The following AAGAB variants were observed in gnomAD, a reference collection of about 807,000 sequenced individuals.
AAGAB encodes the protein alpha- and gamma-adaptin-binding protein p34.
AAGAB carries 38 observed loss-of-function variants against 44.1 expected under a neutral mutation model. That is an observed-to-expected ratio of 0.86 (90% CI 0.67 to 1.13). The LOEUF (loss-of-function observed/expected upper bound fraction) is 1.13. Ranked by LOEUF, AAGAB falls within the 50% of genes most tolerant of loss-of-function variation. The pLI, the probability that AAGAB is intolerant of heterozygous loss-of-function variation, is 0.00. For synonymous variants in AAGAB, 131 were observed against 131.8 expected (o/e 0.99, Z 0.04); for missense variants, 450 against 373.8 (o/e 1.20, Z -1.68).
At chr15:67,208,749 G>T in intron 6 of AAGAB, 91 bp from the exon 7 acceptor site, 2 of 1,143,258 alleles carry the variant, frequency 1.7e-6, no homozygotes, top group Non-Finnish European at 2.5e-6. Context: ...TCCTTGGTTG[G>T]CTTGAGAAAA....
chr15:67,249,741 A>G (rs936660214), intron 1 of AAGAB, among the ~76,000 whole-genome samples: 1 of 152,214 alleles, frequency 6.6e-6, no homozygotes, highest in African/African-American at 2.4e-5. Flanking sequence ...ATCTCAACAC[A>G]TTACATTCAC....
Position 67,209,508 on chromosome 15 carries a change from G to C in AAGAB, c.572C>G (p.Thr191Ser). The change falls in exon 6 of 10, where the codon ACT (threonine) becomes AGT (serine). Residue 191 changes from threonine (T) to serine (S), a missense_variant. Thr to Ser is a moderately conservative substitution (Grantham distance 58). Coordinates refer to ENST00000261880, the MANE Select transcript of AAGAB (RefSeq NM_024666.5). ...NQGFSLLNSL[T>S]GTNHSIGSAD... is the part of the protein sequence containing the mutation. ...TGACCCAATGCTATGGTTTGTTCCAGTCAATGAGTTGAGAAGGCTAAAGCC... is the reference window on the plus strand; with the variant it reads ...TGACCCAATGCTATGGTTTGTTCCACTCAATGAGTTGAGAAGGCTAAAGCC... 1 of 1,614,156 alleles carries C rather than the reference G, an allele frequency of 6.2e-7. No individual in the cohort carries two copies. Among genetic ancestry groups the C allele is most frequent in the Non-Finnish European group, 8.5e-7 (1 of 1,180,010 alleles).
chr15:67,243,535 C>T (rs148358543), intron 1 of AAGAB, among the ~76,000 whole-genome samples: 1 of 152,242 alleles, frequency 6.6e-6, no homozygotes, highest in Non-Finnish European at 1.5e-5. Context: ...AGGGGGATGC[C>T]ACTAGCATCT....
intron 5 of AAGAB, among the ~76,000 whole-genome samples, chr15:67,217,631 G>A (rs1165407325): frequency 1.3e-5 from 2 of 152,010 alleles, no homozygotes; most frequent in African/African-American, 4.8e-5. Flanking sequence ...TCCGCCTCCC[G>A]GGTTCAAGCA....
intron 5 of AAGAB, among the ~76,000 whole-genome samples, chr15:67,217,642 A>G (rs1963981156): frequency 3.3e-5 from 5 of 152,216 alleles, no homozygotes. Context: ...GGTTCAAGCA[A>G]TTCTCTTGCC....
At chr15:67,209,385 G>C (rs1963757087) in intron 6 of AAGAB, 77 bp downstream of exon 6, 1 of 1,178,096 alleles carries the variant, frequency 8.5e-7, no homozygotes, top group African/African-American at 1.5e-5. Flanking sequence ...GAAAACAATG[G>C]TGAATGTGTC....
chr15:67,241,774 T>C (rs551777712), intron 1 of AAGAB, among the ~76,000 whole-genome samples: 1 of 152,126 alleles, frequency 6.6e-6, no homozygotes, highest in African/African-American at 2.4e-5. Flanking sequence ...CCCATCTCAC[T>C]TTTTTTCACA....
At chr15:67,240,792 C>A (rs914739643) in intron 1 of AAGAB, among the ~76,000 whole-genome samples, 1 of 152,174 alleles carries the variant, frequency 6.6e-6, no homozygotes, top group African/African-American at 2.4e-5. Context: ...TGTGCCAAGG[C>A]AACATTTCAG....
intron 9 of AAGAB, 30 bp downstream of exon 9, chr15:67,203,518 A>AT (rs1265595766): frequency 6.2e-7 from 1 of 1,601,624 alleles, no homozygotes; most frequent in Non-Finnish European, 8.5e-7. Context: ...TTTTATAGGT[A>AT]TTCAATAAAT....
intron 5 of AAGAB, among the ~76,000 whole-genome samples, chr15:67,216,052 G>A (rs1210153308): frequency 1.3e-5 from 2 of 152,020 alleles, no homozygotes; most frequent in African/African-American, 2.4e-5. Context: ...AACATATAAT[G>A]AACATGACCA....
chr15:67,254,304 G>A, intron 1 of AAGAB: 1 of 1,018,314 alleles, frequency 9.8e-7, no homozygotes. Context: ...CCTGTGGCCT[G>A]GGCTGAGCAG....
intron 1 of AAGAB, among the ~76,000 whole-genome samples, chr15:67,245,229 C>T (rs1964693030): frequency 1.3e-5 from 2 of 152,150 alleles, no homozygotes; most frequent in South Asian, 4.1e-4. Flanking sequence ...CAGCATTATT[C>T]ACAATAGCCA....
chr15:67,217,311 C>T (rs1200179532), intron 5 of AAGAB, among the ~76,000 whole-genome samples: 2 of 152,144 alleles, frequency 1.3e-5, no homozygotes, highest in Non-Finnish European at 2.9e-5. Context: ...AAACATGAAG[C>T]CATTTTCCAA....
intron 5 of AAGAB, among the ~76,000 whole-genome samples, chr15:67,218,084 T>G (rs1185868548): frequency 6.6e-6 from 1 of 152,214 alleles, no homozygotes; most frequent in African/African-American, 2.4e-5. Context: ...ATAGATAGAT[T>G]GAAAATAAAC....
chr15:67,254,821 G>T (rs977390382), upstream of AAGAB: 2 of 1,500,650 alleles, frequency 1.3e-6, no homozygotes, highest in Admixed American at 1.9e-5. Context: ...TTGCCATGGG[G>T]ACGAGCGGCT....
intron 4 of AAGAB, among the ~76,000 whole-genome samples, chr15:67,235,080 A>C (rs1355850753): frequency 6.6e-6 from 1 of 152,194 alleles, no homozygotes; most frequent in Non-Finnish European, 1.5e-5. Context: ...CCTGCCCAGA[A>C]TGTCTTTTGG....
chr15:67,223,370 T>C (rs746778006), intron 5 of AAGAB, among the ~76,000 whole-genome samples: 2 of 152,194 alleles, frequency 1.3e-5, no homozygotes, highest in Non-Finnish European at 2.9e-5. Context: ...GTGACCCTGT[T>C]AGCTTCATCT....
chr15:67,208,898 A>G (rs891199616), intron 6 of AAGAB, among the ~76,000 whole-genome samples: 3 of 152,210 alleles, frequency 2.0e-5, no homozygotes, highest in Non-Finnish European at 4.4e-5. Context: ...CTACTAAAAC[A>G]TGTTTTTTGT....
intron 5 of AAGAB, among the ~76,000 whole-genome samples, chr15:67,211,175 C>G (rs1335889452): frequency 1.3e-5 from 2 of 152,190 alleles, no homozygotes; most frequent in African/African-American, 4.8e-5. Flanking sequence ...ACTCTCGCCA[C>G]GGAGGCAGTC....
Sources: allele counts gnomAD v4.1 joint callset (sites outside exome capture counted in the v4.1 genomes callset), GRCh38; gene constraint gnomAD v4.1.1; transcripts MANE v1.5; gene names NCBI Gene and HGNC (gene_info 2026-07-23, HGNC 2026-07-21).